Variants in CLK4 observed in about 807,000 individuals in gnomAD.
CLK4 encodes CDC like kinase 4, also known as dual specificity protein kinase CLK4.
CLK4 carries 37 observed loss-of-function variants against 64.4 expected under a neutral mutation model. The ratio of observed to expected loss-of-function variants is 0.57; its 90% CI spans 0.44 to 0.76. The LOEUF is 0.76. Ranked by LOEUF, CLK4 falls within the 30% of genes least tolerant of loss-of-function variation. The pLI is 0.00. For synonymous variants in CLK4, 175 were observed against 191.6 expected, an observed-to-expected ratio of 0.91 and a Z score of 0.72; for missense variants, 457 against 605.1, an observed-to-expected ratio of 0.76 and a Z score of 2.57.
intron 9 of CLK4, among the ~76,000 whole-genome samples, chr5:178,611,008 G>A (rs544525966): frequency 3.5e-4 from 53 of 151,796 alleles, no homozygotes; most frequent in South Asian, 2.9e-3. Flanking sequence ...GGGAGGTGGA[G>A]GTTGCAGTGA....
intron 2 of CLK4, chr5:178,622,447 C>T: frequency 2.0e-6 from 2 of 985,746 alleles, no homozygotes; most frequent in African/African-American, 1.7e-5. Flanking sequence ...GGTAAACAGT[C>T]CCAATGGAAC....
rs1278876717 is a variant in CLK4, at chr5:178,617,507, C to T, written c.385-73G>A. 5.1e-6 allele frequency: 7 copies of T among 1,364,524 alleles called. No homozygotes were observed. Among genetic ancestry groups the T allele is most frequent in the Middle Eastern group, 1.8e-4 (1 of 5,476 alleles). 84.5% of individuals were successfully genotyped at this position (1,364,524 alleles called of 1,614,324 possible). A position where few individuals can be genotyped will look rare whatever the true frequency, so the allele number is the denominator to read the frequency against. On this transcript the variant is annotated intron_variant, in intron 3 of 12. Transcript: ENST00000316308. This position sits in a 1 kb window ranked among gnomAD's most constrained non-coding sequence, Gnocchi z 5.2. ...ATCAGAGTGAATTCAGGGCAGAATA[C>T]GCAATTCATTCAGCGGGGAGATATT...
In CLK4 at chr5:178,617,162, T is replaced by C; in HGVS notation, c.475+182A>G. ...TAATCTCAAATTCCACTGATTATTTTGGAACTTTAGAATAGAAATATTTAA... is the reference window on the plus strand; with the variant it reads ...TAATCTCAAATTCCACTGATTATTTCGGAACTTTAGAATAGAAATATTTAA... On this transcript the variant is annotated intron_variant, in intron 4 of 12. Transcript: ENST00000316308. The surrounding 1 kb of genome is among the most constrained non-coding windows in gnomAD (Gnocchi z 5.2). The C allele has an allele frequency of 3.1e-6, 2 of 646,280 alleles. No homozygotes were observed. Among genetic ancestry groups the C allele is most frequent in the Non-Finnish European group, 5.4e-6 (2 of 371,722 alleles). The allele number at this position is 646,280 out of a possible 1,614,324, so 40.0% of individuals were successfully genotyped here.
Position 178,612,826 on chromosome 5 carries a change from A to C in CLK4, c.891T>G (p.Ser297=). Residue 297 remains serine, a synonymous_variant, in exon 8 of 13, where the codon TCT becomes TCG. Coordinates refer to ENST00000316308, the MANE Select transcript of CLK4 (RefSeq NM_020666.3). The part of the protein sequence containing the change: ...LKPENILFVK[S]DYVVKYNSKM... ...TAGAATTATATTTGACTACATAGTC[A>C]GACTTCACAAACAAAATATTTTCAG... 6.3e-7 allele frequency: 1 copy of C among 1,576,820 alleles called. No homozygotes were observed. The highest frequency in any genetic ancestry group is 8.7e-7 in the Non-Finnish European group (1 of 1,148,094).
chr5:178,617,096 G>A lies in CLK4; in HGVS notation c.476-148C>T, dbSNP rs904086779. ...CAGCACTCAAATTATTTTAGTTTCAGCTGCTACAAAAACAATTAGATAGAG... is the reference window on the plus strand; with the variant it reads ...CAGCACTCAAATTATTTTAGTTTCAACTGCTACAAAAACAATTAGATAGAG... On this transcript the variant is annotated intron_variant, in intron 4 of 12. Coordinates refer to ENST00000316308, the MANE Select transcript of CLK4 (RefSeq NM_020666.3). The surrounding 1 kb of genome is among the most constrained non-coding windows in gnomAD (Gnocchi z 5.2). 6.0e-6 allele frequency: 4 copies of A among 667,192 alleles called. No homozygotes were observed. In the South Asian group the frequency reaches 7.8e-5, roughly 13 times the overall value. 41.3% of individuals were successfully genotyped at this position (667,192 alleles called of 1,614,324 possible).
At chr5:178,620,915 AAGT>A (rs2113813459) in intron 2 of CLK4, among the ~76,000 whole-genome samples, 1 of 152,298 alleles carries the variant, frequency 6.6e-6, no homozygotes, top group African/African-American at 2.4e-5. Context: ...GATTTGGAAA[AAGT>A]AGAATACAGA....
Position 178,616,899 on chromosome 5 carries a change from C to T in CLK4, c.525G>A (p.Glu175=). 2 of 1,613,746 alleles carry T rather than the reference C, an allele frequency of 1.2e-6. No individual in the cohort carries two copies. The highest frequency in any genetic ancestry group is 1.7e-6 in the Non-Finnish European group (2 of 1,179,612). The change falls in exon 5 of 13, where the codon GAG becomes GAA. Residue 175 remains glutamate, a synonymous_variant. Coordinates refer to ENST00000316308, the MANE Select transcript of CLK4 (RefSeq NM_020666.3). ...LGEGAFGKVV[E]CIDHGMDGMH... The stretch of plus-strand genomic sequence containing the variant: ...AAACTTACATGCCATGATCAATGCA[C>T]TCTACAACTTTGCCAAAGGCTCCTT...
chr5:178,614,956 C>T (rs1764606401), intron 5 of CLK4, among the ~76,000 whole-genome samples: 1 of 152,136 alleles, frequency 6.6e-6, no homozygotes. Flanking sequence ...AGAAAACATA[C>T]AATGCTAGAC....
chr5:178,604,552 GGGA>G (rs555714383), intron 11 of CLK4: 15 of 151,996 alleles, frequency 9.9e-5, no homozygotes, highest in Non-Finnish European at 1.6e-4. Context: ...AGCAGATCCG[GGGA>G]GGAGGGATGA....
intron 10 of CLK4, among the ~76,000 whole-genome samples, chr5:178,607,813 C>T (rs1274221308): frequency 6.6e-6 from 1 of 151,954 alleles, no homozygotes; most frequent in African/African-American, 2.4e-5. Context: ...CCTGGCCCTC[C>T]CTACCTACAC....
intron 9 of CLK4, among the ~76,000 whole-genome samples, chr5:178,611,142 T>G (rs1764551488): frequency 6.6e-6 from 1 of 151,994 alleles, no homozygotes; most frequent in African/African-American, 2.4e-5. Context: ...CACTGTACGA[T>G]GCACCACTGT....
chr5:178,625,774 C>G (rs1470734235), intron 1 of CLK4, among the ~76,000 whole-genome samples: 1 of 152,200 alleles, frequency 6.6e-6, no homozygotes, highest in Non-Finnish European at 1.5e-5. Flanking sequence ...GTCCAAAATT[C>G]TTCTCAAGTT....
chr5:178,626,321 G>A (rs755484939), intron 1 of CLK4, among the ~76,000 whole-genome samples: 1 of 152,214 alleles, frequency 6.6e-6, no homozygotes, highest in Non-Finnish European at 1.5e-5. Context: ...AAAACCACCA[G>A]AAACGCAGGT....
At chr5:178,619,312 A>G (rs1252761320) in intron 2 of CLK4, among the ~76,000 whole-genome samples, 1 of 152,252 alleles carries the variant, frequency 6.6e-6, no homozygotes, top group Non-Finnish European at 1.5e-5. Context: ...GTTGTATAAC[A>G]ACATTAGTGA....
At chr5:178,623,639 A>G (rs1764740226) in intron 1 of CLK4, among the ~76,000 whole-genome samples, 1 of 151,356 alleles carries the variant, frequency 6.6e-6, no homozygotes, top group South Asian at 2.1e-4. Context: ...ATACCTTAAG[A>G]CATTTTTTTT....
Position 178,623,298 on chromosome 5 carries a change from T to C in CLK4, c.119A>G (p.Asn40Ser). 6.2e-6 allele frequency: 10 copies of C among 1,614,038 alleles called. No individual in the cohort carries two copies. The highest frequency in any genetic ancestry group is 8.5e-6 in the Non-Finnish European group (10 of 1,179,932). ...CTGGTGATGTGGTTTACAATGCCTG[T>C]TCTCTTGTGTGCTACTATGAGATCT... is the stretch of plus-strand genomic sequence containing the variant. ...KRRSHSSTQE[N>S]RHCKPHHQFK... The change falls in exon 2 of 13, where the codon AAC becomes AGC. Residue 40 changes from asparagine (N) to serine (S), a missense_variant. Asn to Ser is a conservative substitution (Grantham distance 46, BLOSUM62 1). Transcript: ENST00000316308.
At chr5:178,626,445 C>T (rs898020887) in intron 1 of CLK4, among the ~76,000 whole-genome samples, 2 of 152,232 alleles carry the variant, frequency 1.3e-5, no homozygotes, top group Non-Finnish European at 2.9e-5. Context: ...ACGCCCGGTC[C>T]CCACCTCCCG....
rs549045897 is a variant in CLK4 at position 178,607,676 on chromosome 5, A to T, written c.1134+700T>A. ...CAGGCGCCCGCCACCACGCCCAGCT[A>T]ATTTTTTATACTTTTAGTAGAGACA... On this transcript the variant is annotated intron_variant, in intron 10 of 12. Transcript: ENST00000316308. Among the ~76,000 whole-genome samples the T allele has an allele frequency of 2.4e-4, 36 of 151,766 alleles. 1 individual carries two copies. The East Asian group carries it at 6.8e-3, about 29-fold the overall frequency.
At chr5:178,616,770 T>C (rs920494259) in intron 5 of CLK4, 112 bp downstream of exon 5, 2 of 798,310 alleles carry the variant, frequency 2.5e-6, no homozygotes, top group African/African-American at 3.5e-5. Context: ...CACTCAAGCC[T>C]GGGCAACAGA....
Sources: gnomAD v4.1 joint callset for allele counts (sites outside exome capture counted in the v4.1 genomes callset) on GRCh38, gnomAD v4.1.1 for gene constraint, Gnocchi (gnomAD v3.1) non-coding constraint, MANE v1.5 for transcripts, NCBI Gene and HGNC (gene_info 2026-07-23, HGNC 2026-07-21) for gene names.